Variants in NGB observed in about 807,000 individuals in gnomAD.
NGB encodes nitrite reductase.
A neutral mutation model predicts 17.3 loss-of-function variants in NGB; 12 were observed. That is an observed-to-expected ratio of 0.69 (90% confidence interval 0.45 to 1.13). NGB has a LOEUF of 1.13. Among genes scored for constraint, NGB ranks in the 50% most tolerant of loss-of-function variants. The pLI is 0.00. For missense variants in NGB, 195 were observed against 191.7 expected, an observed-to-expected ratio of 1.02 and a Z score of -0.10; for synonymous variants, 87 against 81.0, an observed-to-expected ratio of 1.07 and a Z score of -0.40.
rs1470256345 is a variant in NGB, at chr14:77,270,980, C to G, written c.-43G>C. The stretch of plus-strand genomic sequence containing the variant: ...GAGCGCGGGGCTGGGACCCTCAGGG[C>G]TCGGGTGCCGTCACCGCACGTGCCG... On this transcript the variant is annotated 5_prime_UTR_variant, in exon 1 of 4. Transcript: ENST00000298352. 7.0e-7 allele frequency: 1 copy of G among 1,426,752 alleles called. No individual in the cohort carries two copies. Among genetic ancestry groups the G allele is most frequent in the African/African-American group, 1.5e-5 (1 of 67,158 alleles). The allele number at this position is 1,426,752 out of a possible 1,614,324, so 88.4% of individuals were successfully genotyped here.
rs867282696 is a variant in NGB at position 77,266,212 on chromosome 14, C to A, written c.*324G>T. On this transcript the variant is annotated 3_prime_UTR_variant, in exon 4 of 4. Coordinates refer to ENST00000298352, the MANE Select transcript of NGB (RefSeq NM_021257.4). The stretch of plus-strand genomic sequence containing the variant: ...ACAGAAGAGCCCCATCCTCTCCCAC[C>A]TCCATACCTTTCCAGCTCATCCCAC... 1 of 581,248 alleles carries A rather than the reference C, an allele frequency of 1.7e-6. No individual in the cohort carries two copies. The highest frequency in any genetic ancestry group is 3.4e-6 in the Non-Finnish European group (1 of 293,020). The allele number at this position is 581,248 out of a possible 1,614,324, so 36.0% of individuals were successfully genotyped here. A position where few individuals can be genotyped will look rare whatever the true frequency, so the allele number is the denominator to read the frequency against.
chr14:77,270,798 C>G, intron 1 of NGB, 51 bp downstream of exon 1: 1 of 1,463,106 alleles, frequency 6.8e-7, no homozygotes. Flanking sequence ...TGACCCCTTT[C>G]CCGCCGAGGC....
intron 3 of NGB, 101 bp from the exon 4 acceptor site, chr14:77,266,771 G>T: frequency 7.2e-7 from 1 of 1,387,982 alleles, no homozygotes; most frequent in Non-Finnish European, 9.7e-7. Flanking sequence ...AGGGCTCCTG[G>T]GCCTTTTTTC....
In NGB at chr14:77,265,562, A is replaced by C. The variant is rs1594875172; in HGVS notation, c.*974T>G. On this transcript the variant is annotated 3_prime_UTR_variant, in exon 4 of 4. Coordinates refer to ENST00000298352, the MANE Select transcript of NGB (RefSeq NM_021257.4). The surrounding 1 kb of genome is among the most constrained non-coding windows in gnomAD (Gnocchi z 4.7). ...AGCACAGAGCAAATGGTACAAGTGCAGATGGCTGGGGTGAGGGCGGGGGCC... is the reference window on the plus strand; with the variant it reads ...AGCACAGAGCAAATGGTACAAGTGCCGATGGCTGGGGTGAGGGCGGGGGCC... The C allele has an allele frequency of 6.5e-6, 1 of 154,088 alleles. No homozygotes were observed. The highest frequency in any genetic ancestry group is 1.9e-4 in the East Asian group (1 of 5,218). The allele number at this position is 154,088 out of a possible 1,614,324, so 9.5% of individuals were successfully genotyped here. A position where few individuals can be genotyped will look rare whatever the true frequency, so the allele number is the denominator to read the frequency against.
rs760352166 is a variant in NGB at position 77,266,544 on chromosome 14, C to A, written c.448G>T (p.Gly150Cys). The A allele has an allele frequency of 6.2e-7, 1 of 1,612,478 alleles. No homozygotes were observed. The highest frequency in any genetic ancestry group is 8.5e-7 in the Non-Finnish European group (1 of 1,179,132). ...CCGGGCGGGGTCGCCTCTTACTCGC[C>A]ATCCCAGCCTCGACTCATGGCCTGC... ...VVQAMSRGWD[G>C]E is the part of the protein sequence containing the mutation. The change falls in exon 4 of 4, where the codon GGC becomes TGC. Residue 150 changes from glycine to cysteine, a missense_variant. By Grantham distance (159) the Gly-to-Cys change is radical. Coordinates refer to ENST00000298352, the MANE Select transcript of NGB (RefSeq NM_021257.4).
chr14:77,269,768 T>C (rs1889738009), intron 1 of NGB, among the ~76,000 whole-genome samples: 2 of 34,960 alleles, frequency 5.7e-5, no homozygotes, highest in Non-Finnish European at 4.9e-5. Flanking sequence ...TCTCTCTCTC[T>C]CTCTCTCTCT....
intron 3 of NGB, among the ~76,000 whole-genome samples, chr14:77,267,797 G>T (rs1889694440): frequency 6.6e-6 from 1 of 152,144 alleles, no homozygotes; most frequent in Non-Finnish European, 1.5e-5. Flanking sequence ...CCCCCAGTGG[G>T]CTACACCTCA....
At position 77,269,239 on chromosome 14, in the gene NGB, A is replaced by G. The variant is rs1331462852; in HGVS notation, c.177T>C (p.Pro59=). 6.4e-7 allele frequency: 1 copy of G among 1,550,892 alleles called. No homozygotes were observed. The highest frequency in any genetic ancestry group is 8.7e-7 in the Non-Finnish European group (1 of 1,146,248). The change falls in exon 2 of 4, where the codon CCT becomes CCC. Residue 59 remains proline, a synonymous_variant. Transcript: ENST00000298352. ...FSSPEDCLSS[P]EFLDHIRKVM... is the part of the protein sequence containing the mutation. ...CCTTCCTGATGTGGTCCAGGAACTC[A>G]GGCGAGGAGAGACAGTCCTCTGGGC... is the stretch of plus-strand genomic sequence containing the variant.
chr14:77,269,094 G>T, intron 2 of NGB, 121 bp downstream of exon 2: 2 of 658,292 alleles, frequency 3.0e-6, no homozygotes, highest in Non-Finnish European at 5.5e-6. Flanking sequence ...GCTGTACCCT[G>T]CTTGGGGGAA....
intron 1 of NGB, 36 bp from the exon 2 acceptor site, chr14:77,269,362 G>A: frequency 1.4e-6 from 2 of 1,405,722 alleles, no homozygotes; most frequent in Non-Finnish European, 2.0e-6. Flanking sequence ...GCCCTGGGGT[G>A]TGAGCTCCTG....
intron 2 of NGB, among the ~76,000 whole-genome samples, chr14:77,268,991 C>A (rs895050168): frequency 6.6e-6 from 1 of 152,308 alleles, no homozygotes; most frequent in East Asian, 1.9e-4. Context: ...AGGACAAAGG[C>A]AATGACACAG....
intron 3 of NGB, among the ~76,000 whole-genome samples, chr14:77,267,169 A>G (rs1889684919): frequency 1.3e-5 from 2 of 151,860 alleles, no homozygotes; most frequent in South Asian, 2.1e-4. Context: ...AGAAGCTCCA[A>G]CTCCTGGGCC....
chr14:77,269,992 T>C lies in NGB; in HGVS notation c.90-666A>G, dbSNP rs568993535. Among the ~76,000 whole-genome samples the C allele has an allele frequency of 1.8e-3, 273 of 151,700 alleles. 1 individual carries two copies. The highest frequency in any genetic ancestry group is 6.4e-3 in the African/African-American group (266 of 41,342). ...ATGTAGTGCAGCCACAGCGGGTGCC[T>C]GAGAAAAAAGTGAGCTGGGGGGAGT... On this transcript the variant is annotated intron_variant, in intron 1 of 3. Coordinates refer to ENST00000298352, the MANE Select transcript of NGB (RefSeq NM_021257.4).
In NGB at chr14:77,266,260, G is replaced by A. The variant is rs534012347; in HGVS notation, c.*276C>T. 44 of 656,536 alleles carry A rather than the reference G, an allele frequency of 6.7e-5. 1 individual carries two copies. Among genetic ancestry groups the A allele is most frequent in the South Asian group, 4.1e-4 (30 of 72,650 alleles). 40.7% of individuals were successfully genotyped at this position (656,536 alleles called of 1,614,324 possible). ...CACCTCTGCCACCAAAACACTCATCGCGGGGTCAGAGGGAGTGCCAAAAAA... is the reference window on the plus strand; with the variant it reads ...CACCTCTGCCACCAAAACACTCATCACGGGGTCAGAGGGAGTGCCAAAAAA... On this transcript the variant is annotated 3_prime_UTR_variant, in exon 4 of 4. Transcript: ENST00000298352.
rs1367322746 is a variant in NGB, at chr14:77,268,488, C to T, written c.299G>A (p.Gly100Asp). The T allele has an allele frequency of 2.5e-6, 4 of 1,613,474 alleles. No individual in the cohort carries two copies. Among genetic ancestry groups the T allele is most frequent in the Admixed American group, 1.7e-5 (1 of 60,014 alleles). Reference sequence around the variant, plus strand: ...CACCGAGAAGGAGCTGAGCTTCACACCCACTGCCCGGTGCTTCCTGCCCAG... The same window carrying T: ...CACCGAGAAGGAGCTGAGCTTCACATCCACTGCCCGGTGCTTCCTGCCCAG... ...ASLGRKHRAV[G>D]VKLSSFSTVG... The change falls in exon 3 of 4, where the codon GGT (glycine) becomes GAT (aspartate). Residue 100 changes from glycine to aspartate, a missense_variant. Physicochemically the swap from Gly to Asp is moderately conservative, Grantham distance 94. Coordinates refer to ENST00000298352, the MANE Select transcript of NGB (RefSeq NM_021257.4).
intron 2 of NGB, among the ~76,000 whole-genome samples, 190 bp downstream of exon 2, chr14:77,269,025 A>G (rs528740945): frequency 1.2e-4 from 19 of 152,320 alleles, no homozygotes; most frequent in African/African-American, 4.6e-4. Flanking sequence ...CTCTGAACGC[A>G]GGGTAGGGGA....
In NGB at chr14:77,268,582, T is replaced by A; in HGVS notation, c.205A>T (p.Met69Leu). 6.2e-7 allele frequency: 1 copy of A among 1,613,744 alleles called. No individual in the cohort carries two copies. The highest frequency in any genetic ancestry group is 8.5e-7 in the Non-Finnish European group (1 of 1,179,960). ...GTCACTGCAGCATCAATCACGAGCATCACCTGCCAAGGCCAAGGCAGCAGT... is the reference window on the plus strand; with the variant it reads ...GTCACTGCAGCATCAATCACGAGCAACACCTGCCAAGGCCAAGGCAGCAGT... ...PEFLDHIRKV[M>L]LVIDAAVTNV... Residue 69 changes from methionine (M) to leucine (L), a missense_variant, in exon 3 of 4, where the codon ATG becomes TTG. Transcript: ENST00000298352.
intron 1 of NGB, among the ~76,000 whole-genome samples, chr14:77,269,962 C>T (rs551922682): frequency 3.3e-4 from 50 of 151,896 alleles, no homozygotes; most frequent in African/African-American, 1.2e-3. Flanking sequence ...GGTCACACAG[C>T]TTGGATGTAG....
At chr14:77,268,650 G>A (rs1251971915) in intron 2 of NGB, 65 bp from the exon 3 acceptor site, 21 of 1,597,398 alleles carry the variant, frequency 1.3e-5, no homozygotes, top group Non-Finnish European at 1.8e-5. Context: ...CACAATCACA[G>A]CCCAAGGCAT....
Sources: gnomAD v4.1 joint callset for allele counts (sites outside exome capture counted in the v4.1 genomes callset) on GRCh38, gnomAD v4.1.1 for gene constraint, Gnocchi (gnomAD v3.1) non-coding constraint, MANE v1.5 for transcripts, NCBI Gene and HGNC (gene_info 2026-07-23, HGNC 2026-07-21) for gene names.